Variants in SEMA3E observed in about 807,000 individuals in gnomAD.
SEMA3E encodes semaphorin-3E.
In SEMA3E, 49 loss-of-function variants were observed where a neutral mutation model predicts 93.6. That is an observed-to-expected ratio of 0.52 (90% confidence interval 0.42 to 0.66). The LOEUF (loss-of-function observed/expected upper bound fraction) is 0.66. Among genes scored for constraint, SEMA3E ranks in the 30% least tolerant of loss-of-function variants. The pLI, the probability that SEMA3E is intolerant of heterozygous loss-of-function variation, is 0.00. For missense variants in SEMA3E, 906 were observed against 964.8 expected, an observed-to-expected ratio of 0.94 and a Z score of 0.81; for synonymous variants, 363 against 330.7, an observed-to-expected ratio of 1.10 and a Z score of -1.06.
At position 83,545,010 on chromosome 7, in the gene SEMA3E, A is replaced by C. The variant is rs371893146; in HGVS notation, c.116-54736T>G. Reference sequence around the variant, plus strand: ...AATCATAAACATTTGGTGCCAGCTAATAAATGCTACAATTTAACAAAATTA... The same window carrying C: ...AATCATAAACATTTGGTGCCAGCTACTAAATGCTACAATTTAACAAAATTA... On this transcript the variant is annotated intron_variant, in intron 1 of 16. Transcript: ENST00000643230. Among the ~76,000 whole-genome samples the C allele has an allele frequency of 4.6e-5, 7 of 152,254 alleles. No homozygotes were observed. The East Asian group carries it at 1.2e-3, about 25-fold the overall frequency.
chr7:83,403,555 T>A (rs755058920), intron 9 of SEMA3E, among the ~76,000 whole-genome samples: 20 of 151,992 alleles, frequency 1.3e-4, no homozygotes, highest in Non-Finnish European at 2.4e-4. Context: ...TTTTAAACAT[T>A]CTTGCCATAT....
At chr7:83,436,863 C>A (rs1789014456) in intron 4 of SEMA3E, among the ~76,000 whole-genome samples, 1 of 152,108 alleles carries the variant, frequency 6.6e-6, no homozygotes, top group Admixed American at 6.6e-5. Context: ...CTGATGAAGA[C>A]ATACCTGAGA....
rs1160571769 is a variant in SEMA3E, at chr7:83,648,620, G to T, written c.-78C>A. 6.1e-5 allele frequency: 64 copies of T among 1,045,592 alleles called. No homozygotes were observed. The highest frequency in any genetic ancestry group is 8.1e-5 in the Non-Finnish European group (55 of 679,780). The allele number at this position is 1,045,592 out of a possible 1,614,324, so 64.8% of individuals were successfully genotyped here. A position where few individuals can be genotyped will look rare whatever the true frequency, so the allele number is the denominator to read the frequency against. ...GTTTTACTTAGGACTTCCCTCCAGG[G>T]GCAGCGTGCGAGAGGCTTTGTCAGA... On this transcript the variant is annotated 5_prime_UTR_variant, in exon 1 of 17. Transcript: ENST00000643230.
intron 1 of SEMA3E, among the ~76,000 whole-genome samples, chr7:83,541,620 G>A (rs1791533079): frequency 6.6e-6 from 1 of 152,048 alleles, no homozygotes; most frequent in South Asian, 2.1e-4. Flanking sequence ...TTATGGAAGG[G>A]GTGTCATTTT....
chr7:83,498,440 T>G (rs1053384554), intron 1 of SEMA3E, among the ~76,000 whole-genome samples: 5 of 152,144 alleles, frequency 3.3e-5, no homozygotes, highest in Admixed American at 2.6e-4. Flanking sequence ...AATTTAGAGA[T>G]AATTTTTTTC....
chr7:83,457,876 A>G (rs1357641814), intron 4 of SEMA3E, among the ~76,000 whole-genome samples: 1 of 152,126 alleles, frequency 6.6e-6, no homozygotes. Context: ...CCGATTCCAT[A>G]AATCCCTGCC....
At chr7:83,420,732 C>G (rs934917510) in intron 4 of SEMA3E, among the ~76,000 whole-genome samples, 1 of 152,058 alleles carries the variant, frequency 6.6e-6, no homozygotes, top group African/African-American at 2.4e-5. Flanking sequence ...GAAAGGACTC[C>G]CTATTCAATA....
chr7:83,529,954 A>G (rs1189343303), intron 1 of SEMA3E, among the ~76,000 whole-genome samples: 1 of 152,116 alleles, frequency 6.6e-6, no homozygotes, highest in Non-Finnish European at 1.5e-5. Flanking sequence ...TCTAAAAATT[A>G]TTACATAAAT....
At chr7:83,448,311 C>T (rs1789278648) in intron 4 of SEMA3E, among the ~76,000 whole-genome samples, 1 of 152,088 alleles carries the variant, frequency 6.6e-6, no homozygotes, top group Admixed American at 6.6e-5. Context: ...ACTTAATCAC[C>T]TAATATTATC....
chr7:83,415,626 C>T (rs1029438890), intron 5 of SEMA3E, among the ~76,000 whole-genome samples: 1 of 151,884 alleles, frequency 6.6e-6, no homozygotes, highest in Non-Finnish European at 1.5e-5. Context: ...TTTTATTAAC[C>T]TCTTCTTCGT....
In SEMA3E at chr7:83,367,238, TAA is replaced by T. The variant is rs921646132; in HGVS notation, c.*346_*347del. 28 of 255,866 alleles carry T rather than the reference TAA, an allele frequency of 1.1e-4. No homozygotes were observed. Among genetic ancestry groups the T allele is most frequent in the African/African-American group, 1.4e-4 (6 of 43,882 alleles). The allele number at this position is 255,866 out of a possible 1,614,324, so 15.8% of individuals were successfully genotyped here. ...TTTAGTTTTATATTTACCATGATTATAAGTCTCCAATTTTTCTTCAATATTCT... is the reference window on the plus strand; with the variant it reads ...TTTAGTTTTATATTTACCATGATTATGTCTCCAATTTTTCTTCAATATTCT... On this transcript the variant is annotated 3_prime_UTR_variant, in exon 17 of 17. Coordinates refer to ENST00000643230, the MANE Select transcript of SEMA3E (RefSeq NM_012431.3).
At chr7:83,587,503 AAG>A (rs999805990) in intron 1 of SEMA3E, among the ~76,000 whole-genome samples, 1 of 152,162 alleles carries the variant, frequency 6.6e-6, no homozygotes, top group Non-Finnish European at 1.5e-5. Flanking sequence ...TGTACATTTA[AAG>A]AGAGATTGCT....
At chr7:83,437,481 A>T (rs1472473659) in intron 4 of SEMA3E, among the ~76,000 whole-genome samples, 1 of 152,062 alleles carries the variant, frequency 6.6e-6, no homozygotes, top group Non-Finnish European at 1.5e-5. Flanking sequence ...TCCTACATGA[A>T]TAACATAAAC....
rs10280307 is a variant in SEMA3E at position 83,512,857 on chromosome 7, A to G, written c.116-22583T>C. 6.0e-3 allele frequency among the ~76,000 whole-genome samples: 914 copies of G among 152,290 alleles called. 9 individuals carry two copies. The highest frequency in any genetic ancestry group is 0.021 in the African/African-American group (866 of 41,570). On this transcript the variant is annotated intron_variant, in intron 1 of 16. Transcript: ENST00000643230. ...ATTTTAAAACTTTATTTAATATTTA[A>G]AACCAAATACTCTGAATTCAAAGCT...
chr7:83,544,624 T>C (rs974769234), intron 1 of SEMA3E, among the ~76,000 whole-genome samples: 3 of 152,162 alleles, frequency 2.0e-5, no homozygotes, highest in Non-Finnish European at 4.4e-5. Flanking sequence ...ATATGAATAA[T>C]ATTTTCATTT....
chr7:83,599,739 A>G (rs1238340673), intron 1 of SEMA3E, among the ~76,000 whole-genome samples: 1 of 152,186 alleles, frequency 6.6e-6, no homozygotes, highest in Non-Finnish European at 1.5e-5. Context: ...TTAAGAGTAT[A>G]TGTCTATGGT....
chr7:83,468,206 A>C (rs1015738981), intron 3 of SEMA3E, among the ~76,000 whole-genome samples: 3 of 152,226 alleles, frequency 2.0e-5, no homozygotes, highest in African/African-American at 7.2e-5. Context: ...CAGAGCACAC[A>C]GGTACACTTA....
intron 14 of SEMA3E, among the ~76,000 whole-genome samples, chr7:83,391,327 T>A (rs73389156): frequency 2.0e-5 from 3 of 152,290 alleles, no homozygotes; most frequent in African/African-American, 7.2e-5. Flanking sequence ...ACAATTCCAT[T>A]CTTCACTTTA....
At chr7:83,483,573 C>T (rs574768236) in intron 2 of SEMA3E, among the ~76,000 whole-genome samples, 3 of 151,948 alleles carry the variant, frequency 2.0e-5, no homozygotes, top group South Asian at 2.1e-4. Flanking sequence ...TTAAGCACCC[C>T]TAGACAAACT....
Sources: allele counts gnomAD v4.1 joint callset (sites outside exome capture counted in the v4.1 genomes callset), GRCh38; gene constraint gnomAD v4.1.1; transcripts MANE v1.5; gene names NCBI Gene and HGNC (gene_info 2026-07-23, HGNC 2026-07-21).